CDK6: variants seen among roughly 807,000 people sequenced by gnomAD.
The protein encoded by CDK6 is cyclin dependent kinase 6.
Under a neutral mutation model 37.1 loss-of-function variants are expected in CDK6, and 6 were observed. The ratio of observed to expected loss-of-function variants is 0.16; its 90% CI spans 0.09 to 0.32. The LOEUF (loss-of-function observed/expected upper bound fraction) is 0.32. CDK6 is among the 10% of genes least tolerant of loss of function. The probability of loss-of-function intolerance (pLI) is 1.00; values close to 1 mark genes in which losing one functional copy is unlikely to be tolerated. For synonymous variants in CDK6, 160 were observed against 161.3 expected (o/e 0.99, Z 0.06); for missense variants, 224 against 418.9 (o/e 0.53, Z 4.06).
At chr7:92,731,765 GATA>G (rs1798656412) in intron 3 of CDK6, among the ~76,000 whole-genome samples, 1 of 151,342 alleles carries the variant, frequency 6.6e-6, no homozygotes, top group South Asian at 2.1e-4. Context: ...AAAAAAAAAA[GATA>G]ATAAGTCATT....
At chr7:92,805,412 G>T (rs1386988380) in intron 2 of CDK6, among the ~76,000 whole-genome samples, 1 of 152,174 alleles carries the variant, frequency 6.6e-6, no homozygotes, top group Admixed American at 6.5e-5. Context: ...CCGTCATGCT[G>T]TTCCAACTTT....
chr7:92,615,198 T>G lies in CDK6; in HGVS notation c.923A>C (p.Glu308Ala), dbSNP rs1795648700. The change falls in exon 8 of 8, where the codon GAA (glutamate) becomes GCA (alanine). Residue 308 changes from glutamate (E) to alanine (A), a missense_variant. Physicochemically the swap from Glu to Ala is moderately radical, Grantham distance 107 (BLOSUM62 -1). This residue lies in a region of CDK6 where 90 missense variants were observed against 136.2 expected (regional missense o/e 0.66). Transcript: ENST00000424848. Reference protein sequence around the residue: ...PYFQDLERCKENLDSHLPPSQ... With the variant: ...PYFQDLERCKANLDSHLPPSQ... ...GGGCGGCAGGTGGGAATCCAGGTTT[T>G]CTTTGCACCTTTCCAGGTCCTGGAA... The G allele has an allele frequency of 1.2e-6, 2 of 1,614,060 alleles. No homozygotes were observed. The highest frequency in any genetic ancestry group is 1.7e-6 in the Non-Finnish European group (2 of 1,180,048).
chr7:92,654,879 C>T (rs924465568), intron 5 of CDK6, among the ~76,000 whole-genome samples: 15 of 152,044 alleles, frequency 9.9e-5, no homozygotes, highest in Admixed American at 9.8e-4. Context: ...CAGAAAAAAG[C>T]CTGTCACCCA....
rs952626764 is a variant in CDK6, at chr7:92,833,339, C to G, written c.-16G>C. ...CCTTCTCCATGCCGCCTGGACGCCG[C>G]CCGCCGCGGCGCCGCTGGGGCGGGC... On this transcript the variant is annotated 5_prime_UTR_variant, in exon 2 of 8. Transcript: ENST00000424848. The surrounding 1 kb of genome is among the most constrained non-coding windows in gnomAD (Gnocchi z 6.1). 4 of 1,547,886 alleles carry G rather than the reference C, an allele frequency of 2.6e-6. No homozygotes were observed. The highest frequency in any genetic ancestry group is 1.2e-5 in the South Asian group (1 of 85,032).
At chr7:92,779,151 A>T (rs1799924466) in intron 2 of CDK6, among the ~76,000 whole-genome samples, 1 of 152,044 alleles carries the variant, frequency 6.6e-6, no homozygotes, top group Non-Finnish European at 1.5e-5. Flanking sequence ...GACACAATTT[A>T]AAAATAACAT....
At chr7:92,684,593 C>T (rs1797407551) in intron 4 of CDK6, among the ~76,000 whole-genome samples, 1 of 152,124 alleles carries the variant, frequency 6.6e-6, no homozygotes, top group Non-Finnish European at 1.5e-5. Flanking sequence ...CAGGCATCAC[C>T]CTTCCTCCCT....
rs562831163 is a variant in CDK6 at position 92,623,686 on chromosome 7, C to T, written c.648-600G>A. ...TGTCTGCTTCAAACACACAGCCTTCCTTGTCTACATTGAGCATTTAACTGG... is the reference window on the plus strand; with the variant it reads ...TGTCTGCTTCAAACACACAGCCTTCTTTGTCTACATTGAGCATTTAACTGG... On this transcript the variant is annotated intron_variant, in intron 5 of 7. Coordinates refer to ENST00000424848, the MANE Select transcript of CDK6 (RefSeq NM_001145306.2). 2.6e-5 allele frequency among the ~76,000 whole-genome samples: 4 copies of T among 152,240 alleles called. No individual in the cohort carries two copies. In the East Asian group the frequency reaches 7.7e-4, roughly 29 times the overall value.
chr7:92,806,986 T>G (rs530097623), intron 2 of CDK6, among the ~76,000 whole-genome samples: 3 of 152,204 alleles, frequency 2.0e-5, no homozygotes, highest in Non-Finnish European at 2.9e-5. Flanking sequence ...GTCAACAATT[T>G]AAGATAAGCC....
chr7:92,695,305 A>AG, intron 4 of CDK6, among the ~76,000 whole-genome samples: 1 of 151,688 alleles, frequency 6.6e-6, no homozygotes, highest in East Asian at 1.9e-4. Context: ...AAAGAAAGAA[A>AG]AAAACCAACA....
intron 2 of CDK6, among the ~76,000 whole-genome samples, chr7:92,817,642 C>A (rs943757207): frequency 1.3e-5 from 2 of 151,534 alleles, no homozygotes; most frequent in African/African-American, 2.4e-5. Context: ...TCTAGAGGTT[C>A]TAGCCAGGGC....
chr7:92,627,962 T>A (rs1455936258), intron 5 of CDK6, among the ~76,000 whole-genome samples: 1 of 151,822 alleles, frequency 6.6e-6, no homozygotes, highest in Non-Finnish European at 1.5e-5. Context: ...AACTGTTAGG[T>A]CTACATATAT....
At chr7:92,630,389 A>T (rs553251162) in intron 5 of CDK6, among the ~76,000 whole-genome samples, 13 of 152,110 alleles carry the variant, frequency 8.5e-5, no homozygotes, top group South Asian at 8.3e-4. Flanking sequence ...AGAAATGATG[A>T]TGTATTTAGC....
intron 4 of CDK6, among the ~76,000 whole-genome samples, chr7:92,672,100 G>C (rs1797083423): frequency 3.0e-5 from 4 of 135,418 alleles, no homozygotes. Flanking sequence ...ATTCATCCAT[G>C]TAACCCAAAA....
chr7:92,685,876 C>T (rs890196896), intron 4 of CDK6, among the ~76,000 whole-genome samples: 1 of 152,218 alleles, frequency 6.6e-6, no homozygotes, highest in African/African-American at 2.4e-5. Flanking sequence ...CTGTCCCTTA[C>T]ATGGACGTAA....
rs1801619016 is a variant in CDK6, at chr7:92,835,109, G to A, written c.-368+1369C>T. ...ACCCCCACGATGAGCGGGTGGAGCG[G>A]ACCGCGGCGAGAGCAGAGCTTCTGG... is the stretch of plus-strand genomic sequence containing the variant. On this transcript the variant is annotated intron_variant, in intron 1 of 7. Coordinates refer to ENST00000424848, the MANE Select transcript of CDK6 (RefSeq NM_001145306.2). The surrounding 1 kb of genome is among the most constrained non-coding windows in gnomAD (Gnocchi z 4.2). 1 of 152,216 alleles carries A rather than the reference G, an allele frequency of 6.6e-6. No homozygotes were observed. Among genetic ancestry groups the A allele is most frequent in the Non-Finnish European group, 1.5e-5 (1 of 68,076 alleles). The allele number at this position is 152,216 out of a possible 1,614,324, so 9.4% of individuals were successfully genotyped here.
intron 5 of CDK6, among the ~76,000 whole-genome samples, chr7:92,665,519 G>A (rs1796936835): frequency 1.3e-5 from 2 of 152,170 alleles, no homozygotes; most frequent in Non-Finnish European, 2.9e-5. Context: ...AACAGTGACA[G>A]ATGATATTTA....
intron 2 of CDK6, among the ~76,000 whole-genome samples, chr7:92,829,682 G>A (rs1342371031): frequency 2.0e-5 from 3 of 152,142 alleles, no homozygotes; most frequent in Non-Finnish European, 4.4e-5. Context: ...CCTATGTTAG[G>A]GAGGTAAAAT....
At chr7:92,642,785 G>A (rs1043558887) in intron 5 of CDK6, among the ~76,000 whole-genome samples, 9 of 152,026 alleles carry the variant, frequency 5.9e-5, no homozygotes, top group Non-Finnish European at 7.4e-5. Context: ...AGAAGTGATA[G>A]AGACAACTAG....
At chr7:92,623,567 A>G (rs1362960558) in intron 5 of CDK6, among the ~76,000 whole-genome samples, 3 of 152,038 alleles carry the variant, frequency 2.0e-5, no homozygotes, top group Non-Finnish European at 2.9e-5. Context: ...CTCTGGGTCT[A>G]TTTTTCTAAT....
Sources: allele counts gnomAD v4.1 joint callset (sites outside exome capture counted in the v4.1 genomes callset), GRCh38; gene constraint gnomAD v4.1.1; regional missense constraint gnomAD v4.1.1; non-coding constraint Gnocchi (gnomAD v3.1); transcripts MANE v1.5; gene names NCBI Gene and HGNC (gene_info 2026-07-23, HGNC 2026-07-21).